Variants in LTBP1 observed in about 807,000 individuals in gnomAD.
LTBP1 encodes latent-transforming growth factor beta-binding protein 1.
A neutral mutation model predicts 207.6 loss-of-function variants in LTBP1; 129 were observed. The ratio of observed to expected loss-of-function variants is 0.62; its 90% CI spans 0.54 to 0.72. LTBP1 has a LOEUF of 0.72. Among genes scored for constraint, LTBP1 ranks in the 30% least tolerant of loss-of-function variants. The pLI, the probability that LTBP1 is intolerant of heterozygous loss-of-function variation, is 0.00. For missense variants in LTBP1, 2,281 were observed against 2,217.2 expected, an observed-to-expected ratio of 1.03 and a Z score of -0.58; for synonymous variants, 963 against 833.7, an observed-to-expected ratio of 1.16 and a Z score of -2.67.
chr2:33,378,221 G>GTGTGTTTT (rs143728872), intron 31 of LTBP1, among the ~76,000 whole-genome samples: 5 of 140,206 alleles, frequency 3.6e-5, no homozygotes, highest in African/African-American at 1.4e-4. Context: ...GTGTGTGTGT[G>GTGTGTTTT]TTTTGTTTGT....
At chr2:33,164,170 G>A (rs1200080249) in intron 5 of LTBP1, among the ~76,000 whole-genome samples, 2 of 151,524 alleles carry the variant, frequency 1.3e-5, no homozygotes, top group Non-Finnish European at 2.9e-5. Context: ...CCAACATGGT[G>A]AAACCCCGTC....
At chr2:33,297,054 A>G (rs1487701654) in intron 20 of LTBP1, among the ~76,000 whole-genome samples, 1 of 152,190 alleles carries the variant, frequency 6.6e-6, no homozygotes, top group East Asian at 1.9e-4. Flanking sequence ...GCGTCTGGGA[A>G]AGCTTCACAA....
chr2:33,050,084 T>C (rs973268550), intron 3 of LTBP1, among the ~76,000 whole-genome samples: 1 of 152,102 alleles, frequency 6.6e-6, no homozygotes, highest in Admixed American at 6.5e-5. Context: ...CCTCAAGCGA[T>C]CTTCCTGCCT....
rs976033520 is a variant in LTBP1 at position 33,102,345 on chromosome 2, C to T, written c.864-8237C>T. ...TCCCTGGCTTTTTCCCAGTAGATGC[C>T]AGGCTGCCATCTCCAAGTCTTGACA... On this transcript the variant is annotated intron_variant, in intron 3 of 33. Coordinates refer to ENST00000404816, the MANE Select transcript of LTBP1 (RefSeq NM_206943.4). Among the ~76,000 whole-genome samples the T allele has an allele frequency of 5.3e-5, 8 of 152,192 alleles. No homozygotes were observed. In the East Asian group the frequency reaches 1.2e-3, roughly 22 times the overall value.
chr2:33,081,335 T>G (rs1458056241), intron 3 of LTBP1, among the ~76,000 whole-genome samples: 1 of 152,174 alleles, frequency 6.6e-6, no homozygotes, highest in African/African-American at 2.4e-5. Context: ...TAGCCTGTCC[T>G]AAACTCCATC....
At chr2:33,258,868 G>A (rs1558900765) in intron 12 of LTBP1, among the ~76,000 whole-genome samples, 1 of 152,186 alleles carries the variant, frequency 6.6e-6, no homozygotes. Flanking sequence ...CCTGGTGAAT[G>A]TTGATCCAGG....
intron 3 of LTBP1, among the ~76,000 whole-genome samples, chr2:33,029,912 C>A (rs1316859643): frequency 6.6e-6 from 1 of 152,212 alleles, no homozygotes. Context: ...TATTCTGTTT[C>A]ATGAAGGAAA....
chr2:33,215,727 T>A (rs1362942363), intron 7 of LTBP1, among the ~76,000 whole-genome samples: 1 of 148,694 alleles, frequency 6.7e-6, no homozygotes, highest in Non-Finnish European at 1.5e-5. Flanking sequence ...TTTTTTGTTT[T>A]TTTTTTTTGA....
At chr2:33,059,542 A>G (rs1193077300) in intron 3 of LTBP1, among the ~76,000 whole-genome samples, 1 of 152,212 alleles carries the variant, frequency 6.6e-6, no homozygotes, top group East Asian at 1.9e-4. Context: ...GAGAACCTCT[A>G]TAGGATTAAA....
chr2:32,961,092 G>C (rs1417508662), intron 2 of LTBP1, among the ~76,000 whole-genome samples: 1 of 152,166 alleles, frequency 6.6e-6, no homozygotes, highest in East Asian at 1.9e-4. Context: ...AATATCTTAC[G>C]TAGAAAATTC....
intron 26 of LTBP1, among the ~76,000 whole-genome samples, chr2:33,353,064 C>T (rs1290137738): frequency 1.3e-5 from 2 of 150,628 alleles, no homozygotes; most frequent in Admixed American, 6.6e-5. Context: ...TCACAACCTC[C>T]ACCTTCTGAG....
At chr2:33,342,725 C>G (rs2094643723) in intron 24 of LTBP1, 113 bp from the exon 25 acceptor site, 1 of 919,208 alleles carries the variant, frequency 1.1e-6, no homozygotes, top group Admixed American at 2.5e-5. Flanking sequence ...ACATGTTCAT[C>G]TCATCATCAC....
At chr2:33,136,037 T>C (rs1445768022) in intron 5 of LTBP1, among the ~76,000 whole-genome samples, 1 of 152,238 alleles carries the variant, frequency 6.6e-6, no homozygotes, top group East Asian at 1.9e-4. Flanking sequence ...AGGGACAGCT[T>C]GAAGTTCTTA....
At chr2:33,078,122 T>A (rs1333729363) in intron 3 of LTBP1, among the ~76,000 whole-genome samples, 1 of 152,230 alleles carries the variant, frequency 6.6e-6, no homozygotes, top group African/African-American at 2.4e-5. Flanking sequence ...ACTGATGCCT[T>A]TGGAGACGGT....
At chr2:33,069,165 T>C (rs397997) in intron 3 of LTBP1, among the ~76,000 whole-genome samples, 136,198 of 152,170 alleles carry the variant, frequency 0.9, 62,644 homozygotes, top group East Asian at 1. Flanking sequence ...GATTCCTCTC[T>C]GTGTACTTGT....
chr2:33,269,107 A>G (rs2093256655), intron 15 of LTBP1, among the ~76,000 whole-genome samples: 2 of 146,120 alleles, frequency 1.4e-5, no homozygotes. Flanking sequence ...GACTCCATTC[A>G]TTCATTCATT....
At chr2:33,186,017 C>T (rs776221525) in intron 5 of LTBP1, among the ~76,000 whole-genome samples, 1 of 152,166 alleles carries the variant, frequency 6.6e-6, no homozygotes, top group Non-Finnish European at 1.5e-5. Context: ...TATAACTCCT[C>T]TTAAAATTCT....
In LTBP1 at chr2:33,397,277, G is replaced by A; in HGVS notation, c.4979G>A (p.Cys1660Tyr). ...GYHLDTAKMT[C>Y]VDVNECDELN... ...CACTTGGATACGGCCAAGATGACCT[G>A]TGTCGGTAAGAATGACGTGTGTTTT... is the stretch of plus-strand genomic sequence containing the variant. Residue 1660 changes from cysteine to tyrosine, a missense_variant, in exon 33 of 34, where the codon TGT becomes TAT. Transcript: ENST00000404816. The A allele has an allele frequency of 6.2e-7, 1 of 1,614,048 alleles. No homozygotes were observed. Among genetic ancestry groups the A allele is most frequent in the Non-Finnish European group, 8.5e-7 (1 of 1,179,936 alleles).
At chr2:33,323,239 T>G (rs1257099393) in intron 24 of LTBP1, among the ~76,000 whole-genome samples, 4 of 152,192 alleles carry the variant, frequency 2.6e-5, no homozygotes, top group Admixed American at 2.6e-4. Flanking sequence ...AATAAAGTGT[T>G]GAATATCTCA....
Sources: gnomAD v4.1 joint callset for allele counts (sites outside exome capture counted in the v4.1 genomes callset) on GRCh38, gnomAD v4.1.1 for gene constraint, MANE v1.5 for transcripts, NCBI Gene and HGNC (gene_info 2026-07-23, HGNC 2026-07-21) for gene names.